The following SLC2A2 variants were observed in gnomAD, a reference collection of about 807,000 sequenced individuals.
The protein encoded by SLC2A2 is solute carrier family 2, facilitated glucose transporter member 2.
Under a neutral mutation model 54.5 loss-of-function variants are expected in SLC2A2, and 36 were observed. The observed-to-expected ratio is 0.66, with a 90% confidence interval of 0.51 to 0.87. The LOEUF is 0.87. Ranked by LOEUF, SLC2A2 falls within the 40% of genes least tolerant of loss-of-function variation. The pLI is 0.00. For synonymous variants in SLC2A2, 223 were observed against 219.1 expected (o/e 1.02, Z -0.16); for missense variants, 543 against 624.3 (o/e 0.87, Z 1.39).
chr3:171,008,647 C>T (rs1407636927), intron 4 of SLC2A2, among the ~76,000 whole-genome samples: 1 of 151,842 alleles, frequency 6.6e-6, no homozygotes, highest in Non-Finnish European at 1.5e-5. Context: ...ATATTTTTTT[C>T]ACACTGTATT....
chr3:170,997,385 A>C lies in SLC2A2; in HGVS notation c.*518T>G, dbSNP rs1379144279. 6.4e-6 allele frequency: 1 copy of C among 155,460 alleles called. No individual in the cohort carries two copies. The highest frequency in any genetic ancestry group is 1.4e-5 in the Non-Finnish European group (1 of 70,460). The allele number at this position is 155,460 out of a possible 1,614,324, so 9.6% of individuals were successfully genotyped here. A position where few individuals can be genotyped will look rare whatever the true frequency, so the allele number is the denominator to read the frequency against. ...AATACAGAACAAAAGTAAAATTTTA[A>C]GCAAAATACAAATTCTAGTACTCAA... On this transcript the variant is annotated 3_prime_UTR_variant, in exon 11 of 11. Transcript: ENST00000314251.
At chr3:171,001,067 G>A (rs982396113) in intron 8 of SLC2A2, among the ~76,000 whole-genome samples, 4 of 151,956 alleles carry the variant, frequency 2.6e-5, no homozygotes, top group South Asian at 4.1e-4. Flanking sequence ...CTCTAAAAAG[G>A]TACATTCAAA....
chr3:171,010,064 T>C lies in SLC2A2; in HGVS notation c.390A>G (p.Val130=), dbSNP rs1482936149. 1.2e-6 allele frequency: 2 copies of C among 1,612,680 alleles called. No individual in the cohort carries two copies. Among genetic ancestry groups the C allele is most frequent in the Non-Finnish European group, 8.5e-7 (1 of 1,179,120 alleles). ...CTCCAACTAATGACAGAATGTTTGC[T>C]ACTAACATGGCTTTGATTCTGAAAT... is the stretch of plus-strand genomic sequence containing the variant. The part of the protein sequence containing the change: ...DTLGRIKAML[V]ANILSLVGAL... Residue 130 remains valine, a synonymous_variant, in exon 4 of 11, where the codon GTA becomes GTG. Transcript: ENST00000314251.
chr3:170,998,682 A>G (rs1301846606), intron 9 of SLC2A2, among the ~76,000 whole-genome samples: 3 of 152,198 alleles, frequency 2.0e-5, no homozygotes, highest in Middle Eastern at 3.4e-3. Flanking sequence ...TCCAGACAAG[A>G]TGTTTAGCTC....
In SLC2A2 at chr3:171,005,434, C is replaced by T. The variant is rs140285191; in HGVS notation, c.814G>A (p.Asp272Asn). 2.5e-6 allele frequency: 4 copies of T among 1,612,484 alleles called. No homozygotes were observed. Among genetic ancestry groups the T allele is most frequent in the African/African-American group, 1.3e-5 (1 of 74,796 alleles). Reference protein sequence around the residue: ...RLRGYDDVTKDINEMRKEREE... With the variant: ...RLRGYDDVTKNINEMRKEREE... ...CTTTCTTTTCTCATTTCATTAATAT[C>T]TTTGGTGACATCATCATATCCTCTG... The change falls in exon 7 of 11, where the codon GAT becomes AAT. Residue 272 changes from aspartate to asparagine, a missense_variant. Transcript: ENST00000314251.
rs370765080 is a variant in SLC2A2, at chr3:171,007,296, C to T, written c.497-33G>A. 2.4e-6 allele frequency: 3 copies of T among 1,237,890 alleles called. No homozygotes were observed. The African/African-American group carries it at 4.4e-5, about 18-fold the overall frequency. The allele number at this position is 1,237,890 out of a possible 1,614,324, so 76.7% of individuals were successfully genotyped here. On this transcript the variant is annotated intron_variant, in intron 4 of 10. Transcript: ENST00000314251. The stretch of plus-strand genomic sequence containing the variant: ...AAACATAAACATAAATGTTAAAGTG[C>T]AACCAGGACTATCTCAATAATAACA...
In SLC2A2 at chr3:170,998,387, A is replaced by G. The variant is rs1464417991; in HGVS notation, c.1180T>C (p.Ser394Pro). The G allele has an allele frequency of 5.6e-6, 9 of 1,613,498 alleles. No homozygotes were observed. The highest frequency in any genetic ancestry group is 6.8e-6 in the Non-Finnish European group (8 of 1,179,630). ...SVGLVLLNKF[S>P]WMSYVSMIAI... is the part of the protein sequence containing the mutation. ...ATCATGCTCACATAACTCATCCAAG[A>G]GAACTTATTCTGAGGAAAAAAACAA... Residue 394 changes from serine (S) to proline (P), a missense_variant, in exon 10 of 11, where the codon TCT becomes CCT. Transcript: ENST00000314251.
At chr3:171,013,151 T>A (rs1284062516) in intron 3 of SLC2A2, among the ~76,000 whole-genome samples, 2 of 152,196 alleles carry the variant, frequency 1.3e-5, no homozygotes, top group African/African-American at 2.4e-5. Flanking sequence ...TTGATTTACT[T>A]AAAAATTTTT....
intron 2 of SLC2A2, among the ~76,000 whole-genome samples, chr3:171,016,040 C>T (rs1716136405): frequency 6.6e-6 from 1 of 152,144 alleles, no homozygotes; most frequent in African/African-American, 2.4e-5. Context: ...ACCTGGAATG[C>T]AGCTGCTCTG....
intron 5 of SLC2A2, among the ~76,000 whole-genome samples, chr3:171,006,333 A>G (rs1200840941): frequency 6.6e-6 from 1 of 150,620 alleles, no homozygotes; most frequent in African/African-American, 2.5e-5. Flanking sequence ...TAAATTAGGA[A>G]CTATTTGTTA....
At chr3:171,021,609 G>T (rs1048618924) in intron 1 of SLC2A2, among the ~76,000 whole-genome samples, 2 of 152,198 alleles carry the variant, frequency 1.3e-5, no homozygotes, top group Admixed American at 1.3e-4. Flanking sequence ...AGCATAGCGA[G>T]ATCCCCATCT....
chr3:171,018,013 G>A (rs1238799546), intron 2 of SLC2A2, among the ~76,000 whole-genome samples: 1 of 152,092 alleles, frequency 6.6e-6, no homozygotes, highest in Non-Finnish European at 1.5e-5. Flanking sequence ...ATCTCTTTTA[G>A]TTTAGGGCTT....
intron 7 of SLC2A2, among the ~76,000 whole-genome samples, chr3:171,004,309 T>C (rs1576828062): frequency 1.3e-5 from 2 of 152,140 alleles, no homozygotes; most frequent in East Asian, 3.9e-4. Flanking sequence ...AGAGCTGAGA[T>C]GGGAGATATG....
chr3:171,005,986 T>G lies in SLC2A2; in HGVS notation c.732A>C (p.Arg244Ser). The G allele has an allele frequency of 6.2e-7, 1 of 1,612,562 alleles. No homozygotes were observed. The highest frequency in any genetic ancestry group is 1.1e-5 in the South Asian group (1 of 91,058). The change falls in exon 6 of 11, where the codon AGA (arginine) becomes AGC (serine). Residue 244 changes from arginine to serine, a missense_variant. This residue lies in a region of SLC2A2 where 318 missense variants were observed against 343.8 expected (regional missense o/e 0.93). Coordinates refer to ENST00000314251, the MANE Select transcript of SLC2A2 (RefSeq NM_000340.2). Reference sequence around the variant, plus strand: ...CCTCATCTAACTTGATGTAAAGGTATCTGGGGCTTTCTGGACAGAAAAAGA... The same window carrying G: ...CCTCATCTAACTTGATGTAAAGGTAGCTGGGGCTTTCTGGACAGAAAAAGA... The part of the protein sequence containing the change: ...LLLFFCPESP[R>S]YLYIKLDEEV...
In SLC2A2 at chr3:170,999,179, T is replaced by C; in HGVS notation, c.1069-13A>G. On this transcript the variant is annotated splice_polypyrimidine_tract_variant and intron_variant, in intron 8 of 10. Transcript: ENST00000314251. ...CCACAAGGAATACCTAGGACAATTTTAAAGAAATTATCTCAGTTTTGTGAG... is the reference window on the plus strand; with the variant it reads ...CCACAAGGAATACCTAGGACAATTTCAAAGAAATTATCTCAGTTTTGTGAG... 6.5e-7 allele frequency: 1 copy of C among 1,532,432 alleles called. No individual in the cohort carries two copies. The highest frequency in any genetic ancestry group is 9.0e-7 in the Non-Finnish European group (1 of 1,105,860). 94.9% of individuals were successfully genotyped at this position (1,532,432 alleles called of 1,614,324 possible).
At chr3:171,005,708 A>G (rs1219192789) in intron 6 of SLC2A2, among the ~76,000 whole-genome samples, 1 of 152,058 alleles carries the variant, frequency 6.6e-6, no homozygotes, top group Non-Finnish European at 1.5e-5. Context: ...TTAGAAGCAT[A>G]ATGCTGGAGG....
chr3:171,007,071 G>C, intron 5 of SLC2A2, 77 bp downstream of exon 5: 1 of 813,210 alleles, frequency 1.2e-6, no homozygotes, highest in Non-Finnish European at 2.2e-6. Flanking sequence ...GTACAGTAGG[G>C]GATGCAATAG....
intron 4 of SLC2A2, among the ~76,000 whole-genome samples, chr3:171,008,084 G>A (rs932762948): frequency 6.6e-6 from 1 of 152,050 alleles, no homozygotes; most frequent in East Asian, 1.9e-4. Context: ...CGACAGGCAA[G>A]GCTGAATTAA....
intron 1 of SLC2A2, among the ~76,000 whole-genome samples, chr3:171,018,934 C>T (rs1161343247): frequency 6.6e-6 from 1 of 151,272 alleles, no homozygotes; most frequent in Non-Finnish European, 1.5e-5. Context: ...TCACCGGATA[C>T]CAGAATAGGG....
Sources: allele counts gnomAD v4.1 joint callset (sites outside exome capture counted in the v4.1 genomes callset), GRCh38; gene constraint gnomAD v4.1.1; regional missense constraint gnomAD v4.1.1; transcripts MANE v1.5; gene names NCBI Gene and HGNC (gene_info 2026-07-23, HGNC 2026-07-21).